The following PCDH15 variants were observed in gnomAD, a reference collection of about 807,000 sequenced individuals.
PCDH15 encodes protocadherin-15.
In PCDH15, 129 loss-of-function variants were observed where a neutral mutation model predicts 178.5. The observed-to-expected ratio is 0.72, with a 90% CI of 0.63 to 0.84. PCDH15 has a LOEUF of 0.84. Ranked by LOEUF, PCDH15 falls within the 40% of genes least tolerant of loss-of-function variation. The pLI is 0.00. For synonymous variants in PCDH15, 800 were observed against 732.0 expected (o/e 1.09, Z -1.50); for missense variants, 2,230 against 2,099.9 (o/e 1.06, Z -1.21).
In PCDH15 at chr10:55,347,020, A is replaced by C. The variant is rs139690399; in HGVS notation, c.-155-180369T>G. 5.6e-3 allele frequency among the ~76,000 whole-genome samples: 848 copies of C among 151,756 alleles called. 10 individuals carry two copies. The highest frequency in any genetic ancestry group is 0.02 in the African/African-American group (809 of 41,398). Reference sequence around the variant, plus strand: ...ACTTGGCTCAGGAGTTCAAGACCAGACTGGGCAACATGGCAAAACCCCATC... The same window carrying C: ...ACTTGGCTCAGGAGTTCAAGACCAGCCTGGGCAACATGGCAAAACCCCATC... On this transcript the variant is annotated intron_variant, in intron 2 of 5. Coordinates refer to the PCDH15 transcript ENST00000613346.
intron 1 of PCDH15, among the ~76,000 whole-genome samples, chr10:55,205,314 C>T (rs1415365389): frequency 6.6e-6 from 1 of 151,798 alleles, no homozygotes; most frequent in African/African-American, 2.4e-5. Context: ...AATTATAAGG[C>T]ATCCCTCTGG....
chr10:54,191,553 A>G (rs753204418), intron 11 of PCDH15, among the ~76,000 whole-genome samples: 3 of 152,168 alleles, frequency 2.0e-5, no homozygotes, highest in Non-Finnish European at 4.4e-5. Flanking sequence ...ATGTTCAGGT[A>G]TCAAGATACA....
At chr10:54,265,860 T>C (rs2057642912) in intron 8 of PCDH15, among the ~76,000 whole-genome samples, 1 of 151,996 alleles carries the variant, frequency 6.6e-6, no homozygotes, top group African/African-American at 2.4e-5. Flanking sequence ...CAGTGGTAGA[T>C]AGATTTATCG....
At chr10:55,376,315 A>T (rs1032929219) in intron 2 of PCDH15, among the ~76,000 whole-genome samples, 1 of 152,118 alleles carries the variant, frequency 6.6e-6, no homozygotes, top group Non-Finnish European at 1.5e-5. Flanking sequence ...GATTTGCATT[A>T]TGTTAAGCGG....
rs1436393481 is a variant in PCDH15 at position 54,979,218 on chromosome 10, C to T, written c.-79-81718G>A. Among the ~76,000 whole-genome samples, 4 of 152,040 alleles carry T rather than the reference C, an allele frequency of 2.6e-5. No individual in the cohort carries two copies. The East Asian group carries it at 5.8e-4, about 22-fold the overall frequency. ...ATGATTTGTTATGGTGATAACAATG[C>T]TATATGAGGAATGGATAGTTGAAAT... On this transcript the variant is annotated intron_variant, in intron 2 of 5. Transcript: ENST00000458638.
chr10:54,194,646 A>G (rs201185723), intron 11 of PCDH15, among the ~76,000 whole-genome samples: 7 of 134,072 alleles, frequency 5.2e-5, no homozygotes, highest in African/African-American at 2.0e-4. Context: ...ACCTGTGTAT[A>G]TATCTCTATC....
At chr10:54,072,473 T>G (rs2094263688) in intron 17 of PCDH15, among the ~76,000 whole-genome samples, 1 of 151,960 alleles carries the variant, frequency 6.6e-6, no homozygotes, top group African/African-American at 2.4e-5. Flanking sequence ...ACATAAAATC[T>G]AGAATTTCTT....
At chr10:55,432,925 G>A (rs1302424111) in intron 2 of PCDH15, among the ~76,000 whole-genome samples, 1 of 151,952 alleles carries the variant, frequency 6.6e-6, no homozygotes, top group Non-Finnish European at 1.5e-5. Context: ...CTGGGAGGCT[G>A]AGGCGGGAGA....
At chr10:54,959,125 G>A (rs551010061) in intron 2 of PCDH15, among the ~76,000 whole-genome samples, 75 of 151,584 alleles carry the variant, frequency 4.9e-4, no homozygotes, top group African/African-American at 1.6e-3. Context: ...GACATGAGAA[G>A]GCAGGAAGAG....
chr10:54,970,140 G>T (rs1313643784), intron 2 of PCDH15, among the ~76,000 whole-genome samples: 2 of 152,122 alleles, frequency 1.3e-5, no homozygotes, highest in Non-Finnish European at 2.9e-5. Flanking sequence ...TGTCCCTTCT[G>T]CCATGCAAGT....
rs5785121 is a variant in PCDH15 at position 55,183,677 on chromosome 10, A to ATT, written c.-155-17028_-155-17027dup. Among the ~76,000 whole-genome samples, 103 of 149,856 alleles carry ATT rather than the reference A, an allele frequency of 6.9e-4. 1 individual carries two copies. Among genetic ancestry groups the ATT allele is most frequent in the Middle Eastern group, 3.5e-3 (1 of 286 alleles). ...GGCGGGGGTAACAACATTAAAACCT[A>ATT]TTTTTTTTTTCTAATTGAAAAAGAA... On this transcript the variant is annotated intron_variant, in intron 1 of 5. Transcript: ENST00000458638.
At chr10:55,036,607 A>G (rs1294971484) in intron 2 of PCDH15, among the ~76,000 whole-genome samples, 1 of 152,094 alleles carries the variant, frequency 6.6e-6, no homozygotes, top group Non-Finnish European at 1.5e-5. Flanking sequence ...CTCCTTCTCA[A>G]GTTCTGTACT....
intron 19 of PCDH15, among the ~76,000 whole-genome samples, chr10:54,021,920 T>C (rs927813611): frequency 6.6e-6 from 1 of 152,020 alleles, no homozygotes; most frequent in Non-Finnish European, 1.5e-5. Context: ...GTTTGTTAAA[T>C]AAATAACTTA....
chr10:55,236,673 T>C (rs1230277994), intron 1 of PCDH15, among the ~76,000 whole-genome samples: 1 of 152,014 alleles, frequency 6.6e-6, no homozygotes, highest in East Asian at 1.9e-4. Context: ...ATACTGAACA[T>C]TCAAAAGTTG....
chr10:53,810,687 T>C (rs1328719272), intron 36 of PCDH15, 23 bp from the exon 37 acceptor site: 12 of 1,584,450 alleles, frequency 7.6e-6, no homozygotes, highest in Admixed American at 5.0e-5. Flanking sequence ...CTTACATCTT[T>C]AAACAGTTTG....
At chr10:54,767,705 G>A (rs1245037608) in intron 1 of PCDH15, among the ~76,000 whole-genome samples, 3 of 152,026 alleles carry the variant, frequency 2.0e-5, no homozygotes, top group Admixed American at 6.6e-5. Context: ...CCTCCCCCAA[G>A]CACTAGTCTT....
At chr10:54,737,408 C>G (rs1944258996) in intron 1 of PCDH15, among the ~76,000 whole-genome samples, 1 of 152,006 alleles carries the variant, frequency 6.6e-6, no homozygotes. Flanking sequence ...AATAAGATTT[C>G]TAAGAATGTA....
At chr10:54,502,479 T>C (rs922416910) in intron 3 of PCDH15, among the ~76,000 whole-genome samples, 1 of 152,134 alleles carries the variant, frequency 6.6e-6, no homozygotes, top group African/African-American at 2.4e-5. Flanking sequence ...ACTATGAACT[T>C]ACTTACGCAT....
chr10:55,329,225 T>C (rs1844129258), intron 2 of PCDH15, among the ~76,000 whole-genome samples: 1 of 151,286 alleles, frequency 6.6e-6, no homozygotes, highest in South Asian at 2.1e-4. Context: ...TCAAATTATT[T>C]TATATAATAT....
Sources: allele counts gnomAD v4.1 joint callset (sites outside exome capture counted in the v4.1 genomes callset), GRCh38; gene constraint gnomAD v4.1.1; transcripts MANE v1.5; gene names NCBI Gene and HGNC (gene_info 2026-07-23, HGNC 2026-07-21).